PRKG1: variants seen among roughly 807,000 people sequenced by gnomAD.
The protein encoded by PRKG1 is protein kinase cGMP-dependent 1, also known as cGMP-dependent protein kinase 1.
PRKG1 carries 35 observed loss-of-function variants against 88.1 expected under a neutral mutation model. The observed-to-expected ratio is 0.40, with a 90% CI of 0.30 to 0.53. The LOEUF (loss-of-function observed/expected upper bound fraction) is 0.53, where lower values mean the gene tolerates loss of function less well. Ranked by LOEUF, PRKG1 falls within the 20% of genes least tolerant of loss-of-function variation. The probability of loss-of-function intolerance (pLI) is 0.59; values close to 1 mark genes in which losing one functional copy is unlikely to be tolerated. For synonymous variants in PRKG1, 303 were observed against 292.5 expected (o/e 1.04, Z -0.37); for missense variants, 540 against 839.8 (o/e 0.64, Z 4.41).
intron 5 of PRKG1, among the ~76,000 whole-genome samples, chr10:51,968,481 A>G (rs1262607137): frequency 6.6e-6 from 1 of 152,050 alleles, no homozygotes; most frequent in East Asian, 1.9e-4. Context: ...CATACATTCA[A>G]TTCCTGTGTG....
intron 2 of PRKG1, among the ~76,000 whole-genome samples, chr10:51,171,657 T>C (rs1021559158): frequency 6.6e-6 from 1 of 152,102 alleles, no homozygotes; most frequent in Admixed American, 6.6e-5. Flanking sequence ...AAAAGTAATC[T>C]CGACAAAGGC....
intron 2 of PRKG1, among the ~76,000 whole-genome samples, chr10:51,279,796 C>G (rs1014744625): frequency 6.6e-6 from 1 of 152,136 alleles, no homozygotes; most frequent in East Asian, 1.9e-4. Context: ...CTCCTGAATA[C>G]AGCACACTGA....
At chr10:51,814,028 A>G (rs1839523283) in intron 4 of PRKG1, among the ~76,000 whole-genome samples, 1 of 152,206 alleles carries the variant, frequency 6.6e-6, no homozygotes, top group African/African-American at 2.4e-5. Flanking sequence ...TCTAAAACAA[A>G]TATTAAATGA....
intron 3 of PRKG1, among the ~76,000 whole-genome samples, chr10:51,660,433 T>A (rs1189532397): frequency 7.9e-5 from 12 of 151,778 alleles, no homozygotes; most frequent in Non-Finnish European, 4.4e-5. Flanking sequence ...GTGTTTAGAT[T>A]GCTTTTGGGC....
chr10:51,875,524 C>T (rs1237888329), intron 4 of PRKG1, among the ~76,000 whole-genome samples: 1 of 152,114 alleles, frequency 6.6e-6, no homozygotes, highest in Non-Finnish European at 1.5e-5. Flanking sequence ...TCTCCAGCTT[C>T]AGCCTCCCAA....
At chr10:51,681,461 A>G (rs556808229) in intron 3 of PRKG1, among the ~76,000 whole-genome samples, 16 of 152,294 alleles carry the variant, frequency 1.1e-4, no homozygotes, top group African/African-American at 3.8e-4. Flanking sequence ...AAATCTACTT[A>G]TAGAACCCAA....
chr10:52,125,368 C>T (rs1010789657), intron 7 of PRKG1, among the ~76,000 whole-genome samples: 6 of 152,190 alleles, frequency 3.9e-5, no homozygotes, highest in African/African-American at 1.4e-4. Context: ...AGGACCCAAA[C>T]TCCACCGTTG....
At chr10:51,207,507 T>TA (rs201311915) in intron 2 of PRKG1, among the ~76,000 whole-genome samples, 1 of 145,820 alleles carries the variant, frequency 6.9e-6, no homozygotes, top group East Asian at 1.9e-4. Flanking sequence ...TTATTATTAT[T>TA]TTTTTTTAAT....
chr10:51,352,424 T>C (rs2132567980), intron 2 of PRKG1, among the ~76,000 whole-genome samples: 1 of 152,248 alleles, frequency 6.6e-6, no homozygotes, highest in East Asian at 1.9e-4. Flanking sequence ...CTTATTTCCT[T>C]GAGCAGTGGT....
chr10:51,350,634 A>G (rs565791257), intron 2 of PRKG1, among the ~76,000 whole-genome samples: 1 of 152,220 alleles, frequency 6.6e-6, no homozygotes, highest in South Asian at 2.1e-4. Context: ...AAGAAGTCAA[A>G]TTATCCTTGT....
intron 2 of PRKG1, among the ~76,000 whole-genome samples, chr10:51,413,279 C>T (rs563758060): frequency 6.6e-6 from 1 of 152,178 alleles, no homozygotes; most frequent in African/African-American, 2.4e-5. Context: ...CACATAAACA[C>T]TAACACAAGT....
At chr10:51,402,637 T>C (rs1219163661) in intron 2 of PRKG1, among the ~76,000 whole-genome samples, 1 of 152,212 alleles carries the variant, frequency 6.6e-6, no homozygotes, top group East Asian at 1.9e-4. Flanking sequence ...CTGGTGGTGA[T>C]AAGGGCTGTC....
At chr10:52,109,770 A>AGATGAAACC (rs1847512831) in intron 7 of PRKG1, among the ~76,000 whole-genome samples, 4 of 152,034 alleles carry the variant, frequency 2.6e-5, no homozygotes, top group African/African-American at 9.7e-5. Context: ...CTCAAAAAAA[A>AGATGAAACC]ATCTTATCTC....
intron 1 of PRKG1, among the ~76,000 whole-genome samples, chr10:51,034,691 T>TATATATATATATATAC: frequency 7.2e-6 from 1 of 137,956 alleles, no homozygotes; most frequent in South Asian, 2.3e-4. Flanking sequence ...TATATATATA[T>TATATATATATATATAC]ATATATATAT....
At chr10:51,487,267 A>G (rs965567930) in intron 3 of PRKG1, among the ~76,000 whole-genome samples, 10 of 152,168 alleles carry the variant, frequency 6.6e-5, no homozygotes, top group Non-Finnish European at 1.2e-4. Flanking sequence ...TAAAATATGA[A>G]TATTAATCTG....
At chr10:51,435,975 A>G (rs1838916711) in intron 2 of PRKG1, among the ~76,000 whole-genome samples, 1 of 151,982 alleles carries the variant, frequency 6.6e-6, no homozygotes, top group African/African-American at 2.4e-5. Context: ...GATGGGGCAA[A>G]GATAACCTTT....
At chr10:51,996,984 A>G (rs929361995) in intron 5 of PRKG1, among the ~76,000 whole-genome samples, 2 of 152,198 alleles carry the variant, frequency 1.3e-5, no homozygotes, top group Admixed American at 1.3e-4. Flanking sequence ...AAAATGAAGG[A>G]GCCTGAAGGT....
At position 51,791,300 on chromosome 10, in the gene PRKG1, T is replaced by G. The variant is rs140436682; in HGVS notation, c.593-13285T>G. ...TTATCTTCATACCACCAGTTCCTGG[T>G]ATAGTTCTTGGCACATAGTAAGGTC... On this transcript the variant is annotated intron_variant, in intron 3 of 17. Transcript: ENST00000373980. Among the ~76,000 whole-genome samples, 969 of 152,282 alleles carry G rather than the reference T, an allele frequency of 6.4e-3. 8 individuals are homozygous for G. The highest frequency in any genetic ancestry group is 0.022 in the African/African-American group (935 of 41,580).
At chr10:52,117,766 T>C (rs957505573) in intron 7 of PRKG1, among the ~76,000 whole-genome samples, 4 of 152,214 alleles carry the variant, frequency 2.6e-5, no homozygotes, top group African/African-American at 9.6e-5. Flanking sequence ...GTAATTATTT[T>C]TTCTAATGCA....
Sources: gnomAD v4.1 joint callset for allele counts (sites outside exome capture counted in the v4.1 genomes callset) on GRCh38, gnomAD v4.1.1 for gene constraint, MANE v1.5 for transcripts, NCBI Gene and HGNC (gene_info 2026-07-23, HGNC 2026-07-21) for gene names.